The following JAZF1 variants were observed in gnomAD, a reference collection of about 807,000 sequenced individuals.
JAZF1 encodes the protein JAZF zinc finger 1, also known as juxtaposed with another zinc finger protein 1.
Under a neutral mutation model 26.4 loss-of-function variants are expected in JAZF1, and 8 were observed. The ratio of observed to expected loss-of-function variants is 0.30; its 90% confidence interval spans 0.18 to 0.55. JAZF1 has a LOEUF of 0.55. Ranked by LOEUF, JAZF1 falls within the 20% of genes least tolerant of loss-of-function variation. The pLI is 0.94. For synonymous variants in JAZF1, 126 were observed against 122.3 expected (o/e 1.03, Z -0.20); for missense variants, 199 against 322.0 (o/e 0.62, Z 2.92).
intron 1 of JAZF1, among the ~76,000 whole-genome samples, chr7:28,174,421 C>G (rs1783518232): frequency 6.6e-6 from 1 of 152,194 alleles, no homozygotes; most frequent in Non-Finnish European, 1.5e-5. Flanking sequence ...CTTAAGGTAT[C>G]CTCACTGTCA....
At chr7:27,866,891 C>T (rs757753578) in intron 3 of JAZF1, among the ~76,000 whole-genome samples, 5 of 152,140 alleles carry the variant, frequency 3.3e-5, no homozygotes, top group African/African-American at 4.8e-5. Flanking sequence ...TCGAGGTGCA[C>T]GATGCAGAAC....
intron 1 of JAZF1, among the ~76,000 whole-genome samples, chr7:28,076,437 G>GCT (rs1388677225): frequency 2.6e-5 from 4 of 152,068 alleles, no homozygotes; most frequent in Non-Finnish European, 5.9e-5. Flanking sequence ...TTCAATGCAG[G>GCT]CTAACCAGAA....
chr7:27,910,824 C>T (rs934399961), intron 2 of JAZF1, among the ~76,000 whole-genome samples: 1 of 152,200 alleles, frequency 6.6e-6, no homozygotes, highest in Non-Finnish European at 1.5e-5. Flanking sequence ...GAGCCTCTTT[C>T]ACCAAGTTCG....
chr7:27,999,473 T>G (rs151019989), intron 1 of JAZF1, among the ~76,000 whole-genome samples: 22 of 152,254 alleles, frequency 1.4e-4, no homozygotes, highest in Non-Finnish European at 2.8e-4. Context: ...GGCTCTCGAA[T>G]TCATCTCTGA....
rs910990741 is a variant in JAZF1 at position 27,831,364 on chromosome 7, A to G, written c.*1436T>C. 4.4e-6 allele frequency: 1 copy of G among 227,312 alleles called. No homozygotes were observed. Among genetic ancestry groups the G allele is most frequent in the Non-Finnish European group, 8.8e-6 (1 of 114,140 alleles). 14.1% of individuals were successfully genotyped at this position (227,312 alleles called of 1,614,324 possible). On this transcript the variant is annotated 3_prime_UTR_variant, in exon 5 of 5. Coordinates refer to ENST00000283928, the MANE Select transcript of JAZF1 (RefSeq NM_175061.4). ...GGGAAGAAACTTTATAAGCAATTTGAGTTTGTTTTATGGGCAGTTAGCTAT... is the reference window on the plus strand; with the variant it reads ...GGGAAGAAACTTTATAAGCAATTTGGGTTTGTTTTATGGGCAGTTAGCTAT...
intron 1 of JAZF1, among the ~76,000 whole-genome samples, chr7:28,153,836 C>A (rs1378860009): frequency 6.6e-6 from 1 of 152,128 alleles, no homozygotes; most frequent in African/African-American, 2.4e-5. Flanking sequence ...GAAATCCATA[C>A]CTCTATTAGG....
Position 27,868,559 on chromosome 7 carries a change from A to G in JAZF1, c.385+26661T>C, listed in dbSNP as rs975060992. 3.3e-5 allele frequency among the ~76,000 whole-genome samples: 5 copies of G among 152,106 alleles called. No homozygotes were observed. The South Asian group carries it at 8.3e-4, about 25-fold the overall frequency. ...CCTGCCCCAGCCTATCTAGGTGACA[A>G]AGGCATGATGTCACTTCCTCTGAAG... is the stretch of plus-strand genomic sequence containing the variant. On this transcript the variant is annotated intron_variant, in intron 3 of 4. Coordinates refer to ENST00000283928, the MANE Select transcript of JAZF1 (RefSeq NM_175061.4).
chr7:28,011,588 C>T (rs540361538), intron 1 of JAZF1, among the ~76,000 whole-genome samples: 1 of 152,276 alleles, frequency 6.6e-6, no homozygotes, highest in African/African-American at 2.4e-5. Context: ...AAACACACGG[C>T]TTTTTAACTG....
At chr7:27,848,421 T>C (rs1175423633) in intron 3 of JAZF1, among the ~76,000 whole-genome samples, 1 of 152,232 alleles carries the variant, frequency 6.6e-6, no homozygotes, top group African/African-American at 2.4e-5. Context: ...ACTGAATTCA[T>C]CTTCCTCTGT....
intron 2 of JAZF1, among the ~76,000 whole-genome samples, chr7:27,910,791 C>T (rs2128345233): frequency 1.3e-5 from 2 of 152,230 alleles, no homozygotes; most frequent in South Asian, 4.1e-4. Context: ...CACCCAACAC[C>T]CGGGCCATTT....
chr7:28,139,420 T>A (rs1006881067), intron 1 of JAZF1, among the ~76,000 whole-genome samples: 2 of 152,200 alleles, frequency 1.3e-5, no homozygotes, highest in South Asian at 4.1e-4. Context: ...AGATGAGTCA[T>A]TAGGATGGAC....
At chr7:27,898,307 A>ACT (rs1562522777) in intron 2 of JAZF1, among the ~76,000 whole-genome samples, 1 of 109,492 alleles carries the variant, frequency 9.1e-6, no homozygotes, top group African/African-American at 4.1e-5. Flanking sequence ...ATATATATAC[A>ACT]TCGGTTTTTT....
chr7:28,119,018 T>TTC (rs1344030373), intron 1 of JAZF1, among the ~76,000 whole-genome samples: 1 of 152,182 alleles, frequency 6.6e-6, no homozygotes, highest in Non-Finnish European at 1.5e-5. Context: ...TCCCTAGACA[T>TTC]GAACAAAGTA....
intron 2 of JAZF1, among the ~76,000 whole-genome samples, chr7:27,914,280 A>G (rs543363889): frequency 1.3e-5 from 2 of 152,174 alleles, no homozygotes; most frequent in Admixed American, 6.5e-5. Flanking sequence ...GGACATGGAG[A>G]TGGGGACAGG....
At chr7:27,990,177 T>C (rs1384259261) in intron 2 of JAZF1, among the ~76,000 whole-genome samples, 1 of 152,098 alleles carries the variant, frequency 6.6e-6, no homozygotes, top group Non-Finnish European at 1.5e-5. Flanking sequence ...AGCAAACTAT[T>C]GCAAGGACAG....
intron 2 of JAZF1, among the ~76,000 whole-genome samples, chr7:27,896,624 T>C (rs916856): frequency 0.42 from 64,443 of 152,040 alleles, 13,858 homozygotes; most frequent in East Asian, 0.57. Context: ...CAAAATTCCT[T>C]AGTATTTTTC....
chr7:27,894,749 C>G (rs1443460512), intron 3 of JAZF1, among the ~76,000 whole-genome samples: 1 of 152,084 alleles, frequency 6.6e-6, no homozygotes, highest in Non-Finnish European at 1.5e-5. Flanking sequence ...AAGGACTCCC[C>G]CTTCTTCTCA....
intron 3 of JAZF1, among the ~76,000 whole-genome samples, chr7:27,889,218 T>C (rs1212970959): frequency 6.6e-6 from 1 of 151,520 alleles, no homozygotes; most frequent in Non-Finnish European, 1.5e-5. Flanking sequence ...CAGGCAGAGG[T>C]AGATTAAAAT....
At chr7:28,109,156 G>A (rs915925194) in intron 1 of JAZF1, among the ~76,000 whole-genome samples, 13 of 152,130 alleles carry the variant, frequency 8.5e-5, no homozygotes, top group African/African-American at 3.1e-4. Flanking sequence ...AGTAACTATC[G>A]TTAACAATAC....
Sources: gnomAD v4.1 joint callset for allele counts (sites outside exome capture counted in the v4.1 genomes callset) on GRCh38, gnomAD v4.1.1 for gene constraint, MANE v1.5 for transcripts, NCBI Gene and HGNC (gene_info 2026-07-23, HGNC 2026-07-21) for gene names.